Variants in POU2AF2 observed in about 807,000 individuals in gnomAD.
POU2AF2 encodes the protein POU class 2 homeobox associating factor 2.
At chr11:111,267,047 A>G in the POU2AF2 span, among the ~76,000 whole-genome samples, 23 of 152,100 alleles carry the variant, frequency 1.5e-4, no homozygotes, top group Admixed American at 1.3e-3. Flanking sequence ...TGTCTCCCCA[A>G]TCAGCCCCAC....
chr11:111,266,986 G>A, the POU2AF2 span, among the ~76,000 whole-genome samples: 1 of 152,136 alleles, frequency 6.6e-6, no homozygotes, highest in Non-Finnish European at 1.5e-5. Flanking sequence ...CAGATTTCCT[G>A]TGTGATGGGT....
At chr11:111,257,674 G>T in the POU2AF2 span, among the ~76,000 whole-genome samples, 1 of 151,976 alleles carries the variant, frequency 6.6e-6, no homozygotes, top group Admixed American at 6.6e-5. Flanking sequence ...GCGCCCAGCC[G>T]TTATCCTTTC....
At chr11:111,284,147 A>G in the POU2AF2 span, 1 of 1,614,120 alleles carries the variant, frequency 6.2e-7, no homozygotes. Flanking sequence ...CCACAACAGT[A>G]AACAGTTTTC....
At chr11:111,273,454 T>C in the POU2AF2 span, among the ~76,000 whole-genome samples, 4 of 152,230 alleles carry the variant, frequency 2.6e-5, no homozygotes, top group Non-Finnish European at 1.5e-5. Context: ...AAAAATTAAA[T>C]GTATAAAATA....
the POU2AF2 span, among the ~76,000 whole-genome samples, chr11:111,253,596 A>G: frequency 3.3e-5 from 5 of 152,188 alleles, no homozygotes; most frequent in African/African-American, 1.2e-4. Context: ...GGATTATTCT[A>G]GAACCCTCCT....
the POU2AF2 span, among the ~76,000 whole-genome samples, chr11:111,252,926 A>T: frequency 6.6e-6 from 1 of 152,002 alleles, no homozygotes; most frequent in Non-Finnish European, 1.5e-5. Context: ...TCTGGCTTCC[A>T]GCCACCCCGC....
chr11:111,256,162 A>G, the POU2AF2 span: 2 of 398,420 alleles, frequency 5.0e-6, no homozygotes, highest in Middle Eastern at 6.3e-4. Context: ...CCACACACCA[A>G]TCACCTACTT....
the POU2AF2 span, among the ~76,000 whole-genome samples, chr11:111,260,491 A>C: frequency 6.6e-6 from 1 of 152,208 alleles, no homozygotes; most frequent in Non-Finnish European, 1.5e-5. Context: ...ACATGTATCC[A>C]CAAGTATCCT....
the POU2AF2 span, among the ~76,000 whole-genome samples, chr11:111,249,390 AT>A: frequency 3.9e-5 from 6 of 152,218 alleles, no homozygotes; most frequent in Non-Finnish European, 8.8e-5. Flanking sequence ...TACTCAGCAT[AT>A]TTTAAAGAAT....
chr11:111,267,631 C>A, the POU2AF2 span, among the ~76,000 whole-genome samples: 2 of 152,140 alleles, frequency 1.3e-5, no homozygotes, highest in African/African-American at 2.4e-5. Context: ...AATATCAGCC[C>A]CCTTTCGAGG....
At chr11:111,254,399 A>G in the POU2AF2 span, among the ~76,000 whole-genome samples, 25 of 152,256 alleles carry the variant, frequency 1.6e-4, no homozygotes, top group East Asian at 4.8e-3. Context: ...TTGTCTTGGA[A>G]CCTGGATTTG....
the POU2AF2 span, among the ~76,000 whole-genome samples, chr11:111,264,573 AAAGG>A: frequency 0.093 from 2,948 of 31,702 alleles, 440 homozygotes; most frequent in African/African-American, 0.21. Context: ...AGAAAGAAAG[AAAGG>A]GAGAGAGAAA....
At chr11:111,247,182 A>C in the POU2AF2 span, among the ~76,000 whole-genome samples, 1 of 12,342 alleles carries the variant, frequency 8.1e-5, no homozygotes, top group East Asian at 4.2e-3. Flanking sequence ...TCATACACAT[A>C]CACACACACA....
At chr11:111,246,038 C>A in the POU2AF2 span, among the ~76,000 whole-genome samples, 9,235 of 152,204 alleles carry the variant, frequency 0.061, 920 homozygotes, top group African/African-American at 0.21. Context: ...CTCTTGGTAA[C>A]ATTTTCCTAA....
At chr11:111,247,945 G>A in the POU2AF2 span, among the ~76,000 whole-genome samples, 2 of 142,970 alleles carry the variant, frequency 1.4e-5, no homozygotes, top group African/African-American at 2.6e-5. Flanking sequence ...GTGGTGTGGC[G>A]CGATCTCCGC....
chr11:111,253,312 C>G, the POU2AF2 span, among the ~76,000 whole-genome samples: 3 of 152,162 alleles, frequency 2.0e-5, no homozygotes, highest in African/African-American at 7.2e-5. Flanking sequence ...GACCTGTTTA[C>G]CCCAGTATGC....
chr11:111,282,456 T>G, the POU2AF2 span, among the ~76,000 whole-genome samples: 1 of 152,150 alleles, frequency 6.6e-6, no homozygotes, highest in East Asian at 1.9e-4. Context: ...GTGAAGTGAG[T>G]GGAGTCGTGC....
At chr11:111,261,574 GA>G in the POU2AF2 span, among the ~76,000 whole-genome samples, 4 of 151,986 alleles carry the variant, frequency 2.6e-5, no homozygotes, top group East Asian at 1.9e-4. Context: ...CATGAGGGGG[GA>G]AAAATGTAAA....
the POU2AF2 span, among the ~76,000 whole-genome samples, chr11:111,259,354 C>A: frequency 1.2e-4 from 16 of 137,436 alleles, no homozygotes; most frequent in East Asian, 2.8e-3. Flanking sequence ...CTGGTTCTGT[C>A]GGCCAGGCTG....
Sources: gnomAD v4.1 joint callset for allele counts (sites outside exome capture counted in the v4.1 genomes callset) on GRCh38, gnomAD v4.1.1 for gene constraint, MANE v1.5 for transcripts, NCBI Gene and HGNC (gene_info 2026-07-23, HGNC 2026-07-21) for gene names.